ASTN2: variants seen among roughly 807,000 people sequenced by gnomAD.
ASTN2 encodes astrotactin-2.
In ASTN2, 54 loss-of-function variants were observed where a neutral mutation model predicts 139.8. That is an observed-to-expected ratio of 0.39 (90% CI 0.31 to 0.48). The LOEUF (loss-of-function observed/expected upper bound fraction) is 0.48. Among genes scored for constraint, ASTN2 ranks in the 20% least tolerant of loss-of-function variants. The pLI is 0.95. For missense variants in ASTN2, 1,565 were observed against 1,725.1 expected (o/e 0.91, Z 1.64); for synonymous variants, 756 against 719.5 (o/e 1.05, Z -0.81).
chr9:117,296,249 G>T (rs1342833918), intron 1 of ASTN2, among the ~76,000 whole-genome samples: 1 of 117,934 alleles, frequency 8.5e-6, no homozygotes, highest in Non-Finnish European at 1.6e-5. Context: ...CTGCACTTCA[G>T]CCTGGGCAAC....
chr9:117,273,093 A>G (rs1344809604), intron 2 of ASTN2, among the ~76,000 whole-genome samples: 2 of 152,248 alleles, frequency 1.3e-5, no homozygotes, highest in African/African-American at 2.4e-5. Context: ...TTACAGTTCC[A>G]CATGGCTGGG....
chr9:116,985,745 CTGA>C (rs1272876059), intron 7 of ASTN2, among the ~76,000 whole-genome samples: 1 of 152,202 alleles, frequency 6.6e-6, no homozygotes, highest in Non-Finnish European at 1.5e-5. Flanking sequence ...CTGGCTTCAG[CTGA>C]TGAACACAGG....
rs201904267 is a variant in ASTN2, at chr9:117,186,195, G to A, written c.1015+28163C>T. Among the ~76,000 whole-genome samples, 5 of 152,280 alleles carry A rather than the reference G, an allele frequency of 3.3e-5. No homozygotes were observed. In the East Asian group the frequency reaches 7.7e-4, roughly 23 times the overall value. On this transcript the variant is annotated intron_variant, in intron 3 of 22. Transcript: ENST00000313400. ...AATTTTATGCGTAATTATTTATTAA[G>A]TACTGGTCACACAACTTGGCCCATA...
At chr9:116,465,966 CTTTAT>C (rs754133775) in intron 20 of ASTN2, among the ~76,000 whole-genome samples, 36 of 117,928 alleles carry the variant, frequency 3.1e-4, no homozygotes, top group Non-Finnish European at 5.1e-4. Context: ...TTTCTCCATA[CTTTAT>C]TTTATTTCAG....
chr9:116,540,695 G>A (rs532244635), intron 19 of ASTN2: 19 of 152,320 alleles, frequency 1.2e-4, no homozygotes, highest in East Asian at 3.9e-4. Flanking sequence ...AAAAGGAAAG[G>A]AGCACAATAG....
At chr9:116,594,371 T>C (rs1854485140) in intron 19 of ASTN2, among the ~76,000 whole-genome samples, 1 of 152,212 alleles carries the variant, frequency 6.6e-6, no homozygotes. Flanking sequence ...CAGCTAGACC[T>C]GTCTCTGGAA....
chr9:117,396,722 T>A (rs1339989890), intron 1 of ASTN2, among the ~76,000 whole-genome samples: 1 of 151,970 alleles, frequency 6.6e-6, no homozygotes, highest in Non-Finnish European at 1.5e-5. Flanking sequence ...TGCACCACCA[T>A]GCCCAGCTAA....
intron 2 of ASTN2, among the ~76,000 whole-genome samples, chr9:117,264,525 G>A (rs377671074): frequency 7.9e-5 from 12 of 152,266 alleles, no homozygotes; most frequent in African/African-American, 2.6e-4. Flanking sequence ...CTAAGCTACC[G>A]AATATAGCAC....
At chr9:117,187,243 G>A (rs1400574030) in intron 3 of ASTN2, among the ~76,000 whole-genome samples, 2 of 152,172 alleles carry the variant, frequency 1.3e-5, no homozygotes, top group African/African-American at 4.8e-5. Context: ...TGGTCAGGGA[G>A]GGCCTTAGGG....
At chr9:116,754,692 T>C (rs1177704451) in intron 13 of ASTN2, among the ~76,000 whole-genome samples, 1 of 152,128 alleles carries the variant, frequency 6.6e-6, no homozygotes, top group East Asian at 1.9e-4. Flanking sequence ...AGTTTGGCAA[T>C]CCCTGTTGTA....
chr9:117,226,597 GT>G (rs1345866452), intron 2 of ASTN2, among the ~76,000 whole-genome samples: 5 of 118,966 alleles, frequency 4.2e-5, no homozygotes, highest in South Asian at 2.7e-4. Context: ...AAGCGGGTTT[GT>G]TTGTTTGTTT....
At chr9:117,084,571 A>G (rs1275271309) in intron 5 of ASTN2, among the ~76,000 whole-genome samples, 8 of 152,256 alleles carry the variant, frequency 5.3e-5, no homozygotes, top group Non-Finnish European at 1.2e-4. Flanking sequence ...AAATAGACAC[A>G]AGGACAACAA....
At chr9:116,797,229 G>A (rs1830722376) in intron 13 of ASTN2, among the ~76,000 whole-genome samples, 1 of 152,118 alleles carries the variant, frequency 6.6e-6, no homozygotes, top group South Asian at 2.1e-4. Context: ...TAATCAAGTT[G>A]TGCACATTAG....
chr9:117,293,760 A>G (rs1314483859), intron 1 of ASTN2, among the ~76,000 whole-genome samples: 2 of 152,206 alleles, frequency 1.3e-5, no homozygotes, highest in Non-Finnish European at 2.9e-5. Flanking sequence ...TGAAGACATT[A>G]TGGTAAATGG....
chr9:116,427,110 CA>C (rs1847333423), intron 22 of ASTN2, among the ~76,000 whole-genome samples: 2 of 152,168 alleles, frequency 1.3e-5, no homozygotes, highest in South Asian at 4.2e-4. Flanking sequence ...TCACCTAGTC[CA>C]GGGTTTTTCA....
intron 1 of ASTN2, among the ~76,000 whole-genome samples, chr9:117,302,531 C>T (rs1462970931): frequency 6.6e-6 from 1 of 152,118 alleles, no homozygotes; most frequent in Non-Finnish European, 1.5e-5. Flanking sequence ...GCCAGGGCCC[C>T]TTCCAACTCT....
At chr9:117,240,230 G>A (rs1833166108) in intron 2 of ASTN2, among the ~76,000 whole-genome samples, 1 of 152,158 alleles carries the variant, frequency 6.6e-6, no homozygotes, top group South Asian at 2.1e-4. Flanking sequence ...GGTGAGAAGA[G>A]TTGGGATACC....
At chr9:116,644,908 C>A (rs186874304) in intron 17 of ASTN2, among the ~76,000 whole-genome samples, 1 of 152,216 alleles carries the variant, frequency 6.6e-6, no homozygotes, top group Admixed American at 6.5e-5. Context: ...AGTTAGCCTG[C>A]TTTTCTCATC....
intron 12 of ASTN2, among the ~76,000 whole-genome samples, chr9:116,817,080 G>A (rs113855298): frequency 6.6e-6 from 1 of 152,114 alleles, no homozygotes; most frequent in African/African-American, 2.4e-5. Context: ...AGATCATGAG[G>A]TCAGGAGATC....
Sources: allele counts gnomAD v4.1 joint callset (sites outside exome capture counted in the v4.1 genomes callset), GRCh38; gene constraint gnomAD v4.1.1; transcripts MANE v1.5; gene names NCBI Gene and HGNC (gene_info 2026-07-23, HGNC 2026-07-21).